CNTNAP2: variants seen among roughly 807,000 people sequenced by gnomAD.
CNTNAP2 encodes contactin-associated protein-like 2.
CNTNAP2 carries 98 observed loss-of-function variants against 155.2 expected under a neutral mutation model. That is an observed-to-expected ratio of 0.63 (90% CI 0.54 to 0.75). CNTNAP2 has a LOEUF of 0.75. Among genes scored for constraint, CNTNAP2 ranks in the 30% least tolerant of loss-of-function variants. CNTNAP2 has a pLI of 0.00. For synonymous variants in CNTNAP2, 651 were observed against 631.2 expected (o/e 1.03, Z -0.47); for missense variants, 1,727 against 1,688.1 (o/e 1.02, Z -0.40).
rs537928386 is a variant in CNTNAP2, at chr7:146,450,969, C to T, written c.98-323302C>T. Among the ~76,000 whole-genome samples, 31 of 105,784 alleles carry T rather than the reference C, an allele frequency of 2.9e-4. 1 individual carries two copies. Among genetic ancestry groups the T allele is most frequent in the African/African-American group, 9.8e-4 (22 of 22,548 alleles). The allele number at this position is 105,784 out of a possible 152,430, so 69.4% of individuals were successfully genotyped here. On this transcript the variant is annotated intron_variant, in intron 1 of 23. Coordinates refer to ENST00000361727, the MANE Select transcript of CNTNAP2 (RefSeq NM_014141.6). ...TATTTATTTATTTATTTATTTGAGA[C>T]GGAGTCTTGCCCTGTCGTCCAGGCT...
At chr7:147,746,638 G>A (rs777046191) in intron 13 of CNTNAP2, among the ~76,000 whole-genome samples, 6 of 152,022 alleles carry the variant, frequency 3.9e-5, no homozygotes, top group Non-Finnish European at 7.3e-5. Context: ...GCCACCAAAG[G>A]AAAGAATAAG....
At chr7:148,089,725 A>G (rs2116561421) in intron 15 of CNTNAP2, among the ~76,000 whole-genome samples, 1 of 151,910 alleles carries the variant, frequency 6.6e-6, no homozygotes, top group East Asian at 1.9e-4. Flanking sequence ...AGTGATCTAC[A>G]GATTTAACAT....
intron 3 of CNTNAP2, among the ~76,000 whole-genome samples, chr7:146,879,807 C>T (rs1795503268): frequency 6.6e-6 from 1 of 152,014 alleles, no homozygotes; most frequent in Admixed American, 6.6e-5. Flanking sequence ...TCTGTTTTCA[C>T]ACTGCTGATA....
intron 1 of CNTNAP2, among the ~76,000 whole-genome samples, chr7:146,452,720 T>A (rs1796501543): frequency 6.6e-6 from 1 of 152,236 alleles, no homozygotes; most frequent in Non-Finnish European, 1.5e-5. Context: ...TGCCATTCTG[T>A]ATGTTTTATT....
intron 8 of CNTNAP2, among the ~76,000 whole-genome samples, chr7:147,164,974 G>T (rs1417348310): frequency 6.6e-6 from 1 of 152,136 alleles, no homozygotes; most frequent in African/African-American, 2.4e-5. Flanking sequence ...ACTTGTCAAA[G>T]AATGACTGAA....
intron 8 of CNTNAP2, among the ~76,000 whole-genome samples, chr7:147,285,529 A>T (rs1176309456): frequency 6.6e-6 from 1 of 152,022 alleles, no homozygotes; most frequent in African/African-American, 2.4e-5. Context: ...GAGAAAATTG[A>T]TTCAAGAATT....
intron 4 of CNTNAP2, among the ~76,000 whole-genome samples, chr7:147,087,013 A>G (rs1414110099): frequency 1.3e-5 from 2 of 152,140 alleles, no homozygotes; most frequent in Non-Finnish European, 2.9e-5. Flanking sequence ...GAAAATAGAC[A>G]CTGGTAAGTG....
intron 12 of CNTNAP2, among the ~76,000 whole-genome samples, chr7:147,618,681 A>ATT (rs1393891307): frequency 2.1e-5 from 3 of 142,888 alleles, no homozygotes; most frequent in Non-Finnish European, 4.4e-5. Context: ...AATAACAGCT[A>ATT]TTATATATAT....
chr7:147,505,684 A>C (rs1273393898), intron 11 of CNTNAP2, among the ~76,000 whole-genome samples: 1 of 152,218 alleles, frequency 6.6e-6, no homozygotes, highest in Non-Finnish European at 1.5e-5. Context: ...AATGCTATCG[A>C]TCACCAAACA....
rs201698991 is a variant in CNTNAP2, at chr7:146,856,234, TAGAC to T, written c.402+16338_402+16341del. Among the ~76,000 whole-genome samples the T allele has an allele frequency of 7.7e-3, 1,173 of 151,486 alleles. 14 individuals carry two copies. Among genetic ancestry groups the T allele is most frequent in the African/African-American group, 0.025 (1,029 of 41,172 alleles). ...TCTATAGAGATGATAGGTAGGTAGGTAGACAGACAGATAGATAGATGATAGATAT... is the reference window on the plus strand; with the variant it reads ...TCTATAGAGATGATAGGTAGGTAGGTAGACAGATAGATAGATGATAGATAT... On this transcript the variant is annotated intron_variant, in intron 3 of 23. Transcript: ENST00000361727.
intron 12 of CNTNAP2, among the ~76,000 whole-genome samples, chr7:147,604,417 T>C (rs1484111969): frequency 1.3e-5 from 2 of 152,230 alleles, no homozygotes; most frequent in Non-Finnish European, 2.9e-5. Flanking sequence ...TTATTCATGA[T>C]CACATTGTCC....
At chr7:147,516,360 A>G (rs532215017) in intron 11 of CNTNAP2, among the ~76,000 whole-genome samples, 1 of 152,336 alleles carries the variant, frequency 6.6e-6, no homozygotes, top group African/African-American at 2.4e-5. Context: ...AAAAGTGTTA[A>G]AGCATTAGTT....
intron 1 of CNTNAP2, among the ~76,000 whole-genome samples, chr7:146,525,515 T>G (rs547963862): frequency 6.6e-6 from 1 of 151,356 alleles, no homozygotes; most frequent in Admixed American, 6.6e-5. Context: ...ATTCTTTGCA[T>G]TTTCTGTCTT....
intron 1 of CNTNAP2, among the ~76,000 whole-genome samples, chr7:146,511,766 G>C (rs1396361286): frequency 6.6e-6 from 1 of 152,080 alleles, no homozygotes; most frequent in African/African-American, 2.4e-5. Context: ...CATGGATTTG[G>C]TATCAGCATA....
intron 1 of CNTNAP2, among the ~76,000 whole-genome samples, chr7:146,267,432 GA>G (rs1746679451): frequency 6.6e-6 from 1 of 152,068 alleles, no homozygotes; most frequent in South Asian, 2.1e-4. Context: ...TTAGATCCTA[GA>G]TATTATAAAA....
At chr7:147,559,262 A>C (rs904734549) in intron 11 of CNTNAP2, among the ~76,000 whole-genome samples, 9 of 152,200 alleles carry the variant, frequency 5.9e-5, no homozygotes, top group African/African-American at 2.2e-4. Flanking sequence ...AGAAAGGGTG[A>C]GTGTGAGGTA....
At position 148,416,476 on chromosome 7, in the gene CNTNAP2, C is replaced by A. The variant is rs760701309; in HGVS notation, c.*860C>A. 1.4e-5 allele frequency: 2 copies of A among 138,940 alleles called. No homozygotes were observed. The highest frequency in any genetic ancestry group is 3.0e-5 in the Non-Finnish European group (2 of 67,240). 8.6% of individuals were successfully genotyped at this position (138,940 alleles called of 1,614,324 possible). A position where few individuals can be genotyped will look rare whatever the true frequency, so the allele number is the denominator to read the frequency against. On this transcript the variant is annotated 3_prime_UTR_variant, in exon 24 of 24. Transcript: ENST00000361727. ...CATACTGGATTTATATATGTATAAG[C>A]GCCTCAATGGGGAATTAGAGCCAGA...
intron 15 of CNTNAP2, among the ~76,000 whole-genome samples, chr7:148,062,660 TA>T (rs1803179296): frequency 1.3e-5 from 2 of 152,188 alleles, no homozygotes; most frequent in South Asian, 4.1e-4. Context: ...TGAAGGACAA[TA>T]AATAATCCTA....
At chr7:148,096,232 G>A (rs143367949) in intron 15 of CNTNAP2, among the ~76,000 whole-genome samples, 118 of 151,562 alleles carry the variant, frequency 7.8e-4, no homozygotes, top group Non-Finnish European at 1.4e-3. Context: ...TCATCTCCTC[G>A]TTTGTCAAGA....
Sources: allele counts gnomAD v4.1 joint callset (sites outside exome capture counted in the v4.1 genomes callset), GRCh38; gene constraint gnomAD v4.1.1; transcripts MANE v1.5; gene names NCBI Gene and HGNC (gene_info 2026-07-23, HGNC 2026-07-21).